Variants in TMEM181 observed in about 807,000 individuals in gnomAD.
The protein encoded by TMEM181 is transmembrane protein 181.
A neutral mutation model predicts 71.9 loss-of-function variants in TMEM181; 39 were observed. The ratio of observed to expected loss-of-function variants is 0.54; its 90% CI spans 0.42 to 0.71. The LOEUF is 0.71. Among genes scored for constraint, TMEM181 ranks in the 30% least tolerant of loss-of-function variants. TMEM181 has a pLI of 0.00. For synonymous variants in TMEM181, 245 were observed against 228.8 expected (o/e 1.07, Z -0.64); for missense variants, 595 against 583.0 (o/e 1.02, Z -0.21).
upstream of TMEM181, chr6:158,559,976 A>T: frequency 1.1e-6 from 1 of 871,058 alleles, no homozygotes; most frequent in Non-Finnish European, 1.4e-6. Context: ...GCACGGGGCC[A>T]CGAAGGAGGG....
At chr6:158,544,218 T>TGTGTGTGTGTGTGTG (rs1554300407) in intron 1 of TMEM181, among the ~76,000 whole-genome samples, 10 of 144,150 alleles carry the variant, frequency 6.9e-5, no homozygotes, top group South Asian at 2.2e-4. Context: ...TGTGTGTGTG[T>TGTGTGTGTGTGTGTG]TGGGGTGAGG....
chr6:158,586,412 A>G (rs559479828), intron 5 of TMEM181, among the ~76,000 whole-genome samples: 7 of 152,292 alleles, frequency 4.6e-5, no homozygotes, highest in African/African-American at 1.4e-4. Flanking sequence ...CCGTCCACTC[A>G]TTGTCTCATT....
At chr6:158,575,565 G>C (rs1299681876) in intron 2 of TMEM181, among the ~76,000 whole-genome samples, 2 of 152,144 alleles carry the variant, frequency 1.3e-5, no homozygotes, top group South Asian at 4.2e-4. Context: ...TGATCCGCCT[G>C]CCTCGACCTC....
At chr6:158,606,353 C>G (rs1029801835) in intron 7 of TMEM181, among the ~76,000 whole-genome samples, 1 of 152,342 alleles carries the variant, frequency 6.6e-6, no homozygotes, top group East Asian at 1.9e-4. Flanking sequence ...TCAGGGCTCC[C>G]GCAGTGAGCT....
chr6:158,538,722 T>G (rs902305826), intron 1 of TMEM181, among the ~76,000 whole-genome samples: 6 of 152,120 alleles, frequency 3.9e-5, no homozygotes, highest in Non-Finnish European at 7.4e-5. Flanking sequence ...CCAAGTGACA[T>G]GAGAGACTGA....
intron 1 of TMEM181, among the ~76,000 whole-genome samples, chr6:158,554,325 G>A (rs1781810364): frequency 6.6e-6 from 1 of 152,016 alleles, no homozygotes; most frequent in Admixed American, 6.6e-5. Context: ...ACCTCAGGCA[G>A]TCCGCTCACC....
chr6:158,631,870 G>A lies in TMEM181; in HGVS notation c.1410G>A (p.Glu470=), dbSNP rs113530638. 309 of 1,595,204 alleles carry A rather than the reference G, an allele frequency of 1.9e-4. No homozygotes were observed. The African/African-American group carries it at 3.8e-3, about 19-fold the overall frequency. ...NGQAIRAKYK[E]ESDSD Reference sequence around the variant, plus strand: ...AGGCCATCCGGGCCAAGTACAAGGAGGAGTCAGATAGTGACTGAGCCCCGG... The same window carrying A: ...AGGCCATCCGGGCCAAGTACAAGGAAGAGTCAGATAGTGACTGAGCCCCGG... Residue 470 remains glutamate (E), a synonymous_variant, in exon 17 of 17, where the codon GAG becomes GAA. Coordinates refer to ENST00000684151, the MANE Select transcript of TMEM181 (RefSeq NM_001376852.1).
chr6:158,582,257 CAG>C (rs1247286605), intron 3 of TMEM181, among the ~76,000 whole-genome samples: 2 of 152,140 alleles, frequency 1.3e-5, no homozygotes, highest in African/African-American at 2.4e-5. Context: ...TTCTGTCTCT[CAG>C]GGTGTGAGTC....
intron 2 of TMEM181, 108 bp downstream of exon 2, chr6:158,573,631 A>T: frequency 1.1e-6 from 1 of 906,920 alleles, no homozygotes; most frequent in Non-Finnish European, 1.7e-6. Context: ...TAAGGGCCCC[A>T]GCGTGGAGGG....
chr6:158,619,635 C>G (rs895393905), intron 10 of TMEM181, among the ~76,000 whole-genome samples: 8 of 151,970 alleles, frequency 5.3e-5, no homozygotes, highest in African/African-American at 1.7e-4. Flanking sequence ...CTTTGGGAGG[C>G]CAGTGCAGGC....
intron 10 of TMEM181, chr6:158,621,551 G>T: frequency 5.6e-6 from 1 of 179,508 alleles, no homozygotes; most frequent in South Asian, 1.4e-4. Flanking sequence ...CCACATCACC[G>T]GACTCCCGGA....
intron 10 of TMEM181, among the ~76,000 whole-genome samples, chr6:158,617,735 AC>A (rs1785699955): frequency 6.6e-6 from 1 of 151,802 alleles, no homozygotes; most frequent in Non-Finnish European, 1.5e-5. Flanking sequence ...TTCGTCATTT[AC>A]CCAGTAGTCA....
chr6:158,613,012 T>G (rs992860497), intron 10 of TMEM181, among the ~76,000 whole-genome samples: 2 of 152,214 alleles, frequency 1.3e-5, no homozygotes, highest in African/African-American at 2.4e-5. Flanking sequence ...TAATTGTCAC[T>G]CAGTTAGTTA....
chr6:158,590,600 A>AT (rs1784052799), intron 6 of TMEM181, among the ~76,000 whole-genome samples: 1 of 152,142 alleles, frequency 6.6e-6, no homozygotes, highest in South Asian at 2.1e-4. Context: ...AGTAGCTGGG[A>AT]TTACAAGTGT....
chr6:158,590,718 T>A (rs541030841), intron 6 of TMEM181, among the ~76,000 whole-genome samples: 1 of 152,368 alleles, frequency 6.6e-6, no homozygotes, highest in South Asian at 2.1e-4. Flanking sequence ...CACCTTGGCC[T>A]CCCAAAGTGC....
chr6:158,556,192 T>C (rs1781881888), upstream of TMEM181, among the ~76,000 whole-genome samples: 1 of 152,008 alleles, frequency 6.6e-6, no homozygotes, highest in East Asian at 1.9e-4. Context: ...TCCAGAATAA[T>C]ATGAAAAAGC....
At chr6:158,577,061 CAAAAA>C (rs5881280) in intron 2 of TMEM181, among the ~76,000 whole-genome samples, 115 of 76,036 alleles carry the variant, frequency 1.5e-3, no homozygotes, top group Non-Finnish European at 2.6e-3. Flanking sequence ...GACTCCATCT[CAAAAA>C]AAAAAAAAAA....
chr6:158,620,384 C>T lies in TMEM181; in HGVS notation c.897-3166C>T, dbSNP rs1311919779. ...GCAGACCGAACTTTCTCAGGTACCA[C>T]GAGAAAGCCAGGAGAAGGCAGATCT... On this transcript the variant is annotated intron_variant, in intron 10 of 16. Coordinates refer to ENST00000684151, the MANE Select transcript of TMEM181 (RefSeq NM_001376852.1). The surrounding 1 kb of genome is among the most constrained non-coding windows in gnomAD (Gnocchi z 4.5). Among the ~76,000 whole-genome samples, 2 of 152,084 alleles carry T rather than the reference C, an allele frequency of 1.3e-5. No homozygotes were observed. Among genetic ancestry groups the T allele is most frequent in the Non-Finnish European group, 2.9e-5 (2 of 68,030 alleles).
chr6:158,591,261 C>A (rs1431518182), intron 6 of TMEM181, among the ~76,000 whole-genome samples: 1 of 152,126 alleles, frequency 6.6e-6, no homozygotes, highest in Non-Finnish European at 1.5e-5. Context: ...GTGACCTCTG[C>A]ACCCCTCTGG....
Sources: gnomAD v4.1 joint callset for allele counts (sites outside exome capture counted in the v4.1 genomes callset) on GRCh38, gnomAD v4.1.1 for gene constraint, Gnocchi (gnomAD v3.1) non-coding constraint, MANE v1.5 for transcripts, NCBI Gene and HGNC (gene_info 2026-07-23, HGNC 2026-07-21) for gene names.